Variants in PCDHGA7 observed in about 807,000 individuals in gnomAD.
The protein encoded by PCDHGA7 is protocadherin gamma subfamily A, 7, also known as protocadherin gamma-A7.
A neutral mutation model predicts 58.3 loss-of-function variants in PCDHGA7; 44 were observed. That is an observed-to-expected ratio of 0.75 (90% CI 0.59 to 0.97). PCDHGA7 has a LOEUF of 0.97. PCDHGA7 is among the 50% of genes least tolerant of loss of function. The probability of loss-of-function intolerance (pLI) is 0.00; values close to 1 mark genes in which losing one functional copy is unlikely to be tolerated. For missense variants in PCDHGA7, 1,266 were observed against 1,188.7 expected, an observed-to-expected ratio of 1.06 and a Z score of -0.96; for synonymous variants, 516 against 504.2, an observed-to-expected ratio of 1.02 and a Z score of -0.31.
At position 141,486,634 on chromosome 5, in the gene PCDHGA7, T is replaced by C; in HGVS notation, c.2425-8173T>C. 1 of 1,613,762 alleles carries C rather than the reference T, an allele frequency of 6.2e-7. No individual in the cohort carries two copies. The highest frequency in any genetic ancestry group is 8.5e-7 in the Non-Finnish European group (1 of 1,180,044). ...CCTCTGACCCAGACTCTGGCTTGAA[T>C]GCGCTTATCTCCTACTCACTCCTGG... On this transcript the variant is annotated intron_variant, in intron 1 of 3. Coordinates refer to ENST00000518325, the MANE Select transcript of PCDHGA7 (RefSeq NM_018920.4). The surrounding 1 kb of genome is among the most constrained non-coding windows in gnomAD (Gnocchi z 5.0).
At position 141,431,359 on chromosome 5, in the gene PCDHGA7, G is replaced by C; in HGVS notation, c.2424+46036G>C. ...CCGAATTGGTGCTGAAACGCGCCCT[G>C]GACCGCGAAGAAAAGGCTGCTCACC... On this transcript the variant is annotated intron_variant, in intron 1 of 3. Coordinates refer to ENST00000518325, the MANE Select transcript of PCDHGA7 (RefSeq NM_018920.4). This position sits in a 1 kb window ranked among gnomAD's most constrained non-coding sequence, Gnocchi z 4.8. The C allele has an allele frequency of 6.2e-7, 1 of 1,614,024 alleles. No homozygotes were observed. Among genetic ancestry groups the C allele is most frequent in the Non-Finnish European group, 8.5e-7 (1 of 1,180,030 alleles).
Position 141,476,682 on chromosome 5 carries a change from A to G in PCDHGA7, c.2425-18125A>G, listed in dbSNP as rs987205396. The G allele has an allele frequency of 6.2e-7, 1 of 1,614,072 alleles. No individual in the cohort carries two copies. Among genetic ancestry groups the G allele is most frequent in the African/African-American group, 1.3e-5 (1 of 74,934 alleles). ...GCGCTTCGCGTGCAGACGCGGGAGG[A>G]CAGCACCAAGTACGCGGAGCTGGTG... On this transcript the variant is annotated intron_variant, in intron 1 of 3. Coordinates refer to ENST00000518325, the MANE Select transcript of PCDHGA7 (RefSeq NM_018920.4). The surrounding 1 kb of genome is among the most constrained non-coding windows in gnomAD (Gnocchi z 7.6).
chr5:141,464,921 G>C (rs1562002597), intron 1 of PCDHGA7, among the ~76,000 whole-genome samples: 6 of 151,106 alleles, frequency 4.0e-5, no homozygotes, highest in Admixed American at 3.3e-4. Flanking sequence ...TTATTTTTTT[G>C]TAGAGATGTG....
At chr5:141,507,611 A>G (rs2099862056) in intron 3 of PCDHGA7, among the ~76,000 whole-genome samples, 1 of 152,258 alleles carries the variant, frequency 6.6e-6, no homozygotes, top group South Asian at 2.1e-4. Flanking sequence ...AAACAGGTAT[A>G]TTTAGCTGTT....
At position 141,427,408 on chromosome 5, in the gene PCDHGA7, G is replaced by C. The variant is rs975709597; in HGVS notation, c.2424+42085G>C. ...TTCAAAACACATGATAAAGATTCGA[G>C]AGAAAATGGGGAGGTTACATGCCTC... On this transcript the variant is annotated intron_variant, in intron 1 of 3. Coordinates refer to ENST00000518325, the MANE Select transcript of PCDHGA7 (RefSeq NM_018920.4). The C allele has an allele frequency of 1.3e-5, 6 of 463,300 alleles. No homozygotes were observed. In the Admixed American group the frequency reaches 1.4e-4, roughly 11 times the overall value. The allele number at this position is 463,300 out of a possible 1,614,324, so 28.7% of individuals were successfully genotyped here. A position where few individuals can be genotyped will look rare whatever the true frequency, so the allele number is the denominator to read the frequency against.
chr5:141,502,402 A>T (rs1317862793), intron 2 of PCDHGA7, among the ~76,000 whole-genome samples: 1 of 151,976 alleles, frequency 6.6e-6, no homozygotes, highest in Admixed American at 6.6e-5. Flanking sequence ...AATGTCCCCG[A>T]ACCTGGATTT....
Position 141,384,419 on chromosome 5 carries a change from T to G in PCDHGA7, c.1520T>G (p.Ile507Arg). 1 of 1,613,944 alleles carries G rather than the reference T, an allele frequency of 6.2e-7. No homozygotes were observed. Among genetic ancestry groups the G allele is most frequent in the Non-Finnish European group, 8.5e-7 (1 of 1,179,882 alleles). The change falls in exon 1 of 4, where the codon ATA (isoleucine) becomes AGA (arginine). Residue 507 changes from isoleucine to arginine, a missense_variant. Physicochemically the swap from Ile to Arg is moderately conservative, Grantham distance 97. Transcript: ENST00000518325. ...QGAPVSSYVS[I>R]NSDTGVLYAL... Reference sequence around the variant, plus strand: ...GCTCCAGTGTCCTCCTATGTCTCCATAAACTCTGACACTGGAGTCCTGTAC... The same window carrying G: ...GCTCCAGTGTCCTCCTATGTCTCCAGAAACTCTGACACTGGAGTCCTGTAC...
Position 141,385,038 on chromosome 5 carries a change from G to A in PCDHGA7, c.2139G>A (p.Ala713=), listed in dbSNP as rs377185831. The A allele has an allele frequency of 7.4e-6, 12 of 1,614,020 alleles. No individual in the cohort carries two copies. The African/African-American group carries it at 1.2e-4, about 16-fold the overall frequency. Residue 713 remains alanine, a synonymous_variant, in exon 1 of 4, where the codon GCG becomes GCA. Transcript: ENST00000518325. ...VFLAFVLVLL[A]LRLRRWHKSR... ...TAGCCTTCGTCCTCGTACTGCTGGC[G>A]CTCAGGCTGCGGCGCTGGCACAAGT...
intron 1 of PCDHGA7, among the ~76,000 whole-genome samples, chr5:141,471,778 A>T (rs2099264151): frequency 6.6e-6 from 1 of 152,244 alleles, no homozygotes; most frequent in Non-Finnish European, 1.5e-5. Flanking sequence ...TGAGTTTGAC[A>T]TTATGCTATG....
Position 141,403,164 on chromosome 5 carries a change from G to A in PCDHGA7, c.2424+17841G>A, listed in dbSNP as rs11575960. The A allele has an allele frequency of 4.9e-3, 7,986 of 1,614,050 alleles. 45 individuals are homozygous for A. Among genetic ancestry groups the A allele is most frequent in the Admixed American group, 9.4e-3 (567 of 60,028 alleles). The stretch of plus-strand genomic sequence containing the variant: ...CGAGTCCGCATCGTCTCTAGAGGTA[G>A]GACGCAGCTTTTCTCTCTGAACCCG... On this transcript the variant is annotated intron_variant, in intron 1 of 3. Coordinates refer to ENST00000518325, the MANE Select transcript of PCDHGA7 (RefSeq NM_018920.4).
At chr5:141,460,438 T>A (rs1035541143) in intron 1 of PCDHGA7, among the ~76,000 whole-genome samples, 16 of 152,172 alleles carry the variant, frequency 1.1e-4, no homozygotes, top group African/African-American at 3.1e-4. Flanking sequence ...TGGTGTGAGG[T>A]AACAATGAAG....
chr5:141,469,436 G>A (rs556417221), intron 1 of PCDHGA7, among the ~76,000 whole-genome samples: 11 of 152,118 alleles, frequency 7.2e-5, no homozygotes, highest in East Asian at 1.9e-4. Flanking sequence ...TTAGCTGGGC[G>A]TGGTGGTGCA....
chr5:141,479,021 T>C (rs72790064), intron 1 of PCDHGA7, among the ~76,000 whole-genome samples: 1,892 of 152,352 alleles, frequency 0.012, 20 homozygotes, highest in Non-Finnish European at 0.018. Context: ...TAATTTTCCT[T>C]TGTTTATACA....
intron 2 of PCDHGA7, among the ~76,000 whole-genome samples, chr5:141,497,980 G>A (rs983045402): frequency 2.0e-5 from 3 of 152,168 alleles, no homozygotes; most frequent in African/African-American, 7.2e-5. Context: ...GATGTGGGAG[G>A]CCCCTGCCCT....
chr5:141,400,267 T>C (rs749494967), intron 1 of PCDHGA7: 4 of 1,614,030 alleles, frequency 2.5e-6, no homozygotes, highest in Middle Eastern at 1.6e-4. Context: ...CCTGCGACGC[T>C]CCTCCAGCCC....
At chr5:141,496,808 G>A (rs1387209844) in intron 2 of PCDHGA7, among the ~76,000 whole-genome samples, 3 of 151,736 alleles carry the variant, frequency 2.0e-5, no homozygotes, top group South Asian at 4.2e-4. Flanking sequence ...GGCTATAGGA[G>A]TGAACAAGTA....
intron 1 of PCDHGA7, chr5:141,395,196 G>A (rs1431851304): frequency 5.0e-6 from 8 of 1,613,948 alleles, no homozygotes; most frequent in Admixed American, 1.7e-5. Flanking sequence ...GTTAACATCC[G>A]TAGATTTTCA....
In PCDHGA7 at chr5:141,491,778, C is replaced by T. The variant is rs568710854; in HGVS notation, c.2425-3029C>T. 3.1e-4 allele frequency: 482 copies of T among 1,547,678 alleles called. No homozygotes were observed. The highest frequency in any genetic ancestry group is 2.2e-3 in the Middle Eastern group (13 of 5,890). On this transcript the variant is annotated intron_variant, in intron 1 of 3. Transcript: ENST00000518325. This position sits in a 1 kb window ranked among gnomAD's most constrained non-coding sequence, Gnocchi z 6.9. Reference sequence around the variant, plus strand: ...CCGCCCGTCCTCATAAGGGATTGAACTTGCATCCACTCCTCTCCGGCCGGC... The same window carrying T: ...CCGCCCGTCCTCATAAGGGATTGAATTTGCATCCACTCCTCTCCGGCCGGC...
At chr5:141,474,754 T>C (rs1351752958) in intron 1 of PCDHGA7, among the ~76,000 whole-genome samples, 4 of 152,228 alleles carry the variant, frequency 2.6e-5, no homozygotes, top group Non-Finnish European at 4.4e-5. Flanking sequence ...CCAAGACAAA[T>C]ATACAGAAAT....
Sources: gnomAD v4.1 joint callset for allele counts (sites outside exome capture counted in the v4.1 genomes callset) on GRCh38, gnomAD v4.1.1 for gene constraint, Gnocchi (gnomAD v3.1) non-coding constraint, MANE v1.5 for transcripts, NCBI Gene and HGNC (gene_info 2026-07-23, HGNC 2026-07-21) for gene names.